Variants in ITGA9 observed in about 807,000 individuals in gnomAD.
ITGA9 encodes the protein integrin subunit alpha 9.
In ITGA9, 56 loss-of-function variants were observed where a neutral mutation model predicts 127.8. The observed-to-expected ratio is 0.44, with a 90% confidence interval of 0.35 to 0.55. ITGA9 has a LOEUF of 0.55. Ranked by LOEUF, ITGA9 falls within the 20% of genes least tolerant of loss-of-function variation. ITGA9 has a pLI of 0.00. For synonymous variants in ITGA9, 508 were observed against 514.5 expected (o/e 0.99, Z 0.17); for missense variants, 1,196 against 1,347.1 (o/e 0.89, Z 1.76).
At position 37,481,582 on chromosome 3, in the gene ITGA9, CAGGA is replaced by C; in HGVS notation, c.520_523del (p.Thr175Ter). ...TCCCCTCCAACCTCCAGGCCAAAGG[CAGGA>C]CGCTGATCCCTTGCTATGAAGGTGA... On this transcript the variant is annotated frameshift_variant, in exon 4 of 28. Coordinates refer to ENST00000264741, the MANE Select transcript of ITGA9 (RefSeq NM_002207.3). LOFTEE classifies it high-confidence loss of function. 1 of 1,614,208 alleles carries C rather than the reference CAGGA, an allele frequency of 6.2e-7. No individual in the cohort carries two copies. Among genetic ancestry groups the C allele is most frequent in the Non-Finnish European group, 8.5e-7 (1 of 1,180,030 alleles).
intron 15 of ITGA9, among the ~76,000 whole-genome samples, chr3:37,566,136 G>T (rs1575152145): frequency 2.6e-5 from 4 of 152,172 alleles, no homozygotes; most frequent in Non-Finnish European, 5.9e-5. Flanking sequence ...CTCATAAAAA[G>T]TCAAAATAGT....
chr3:37,521,540 A>G (rs1699044146), intron 11 of ITGA9, among the ~76,000 whole-genome samples: 1 of 152,132 alleles, frequency 6.6e-6, no homozygotes, highest in African/African-American at 2.4e-5. Context: ...GGTCAAGTGG[A>G]GGTTTCCAGG....
At chr3:37,709,899 C>G (rs1386299704) in intron 18 of ITGA9, among the ~76,000 whole-genome samples, 1 of 152,194 alleles carries the variant, frequency 6.6e-6, no homozygotes, top group Non-Finnish European at 1.5e-5. Flanking sequence ...CGCTTGAACC[C>G]AAGAGGCGGA....
intron 5 of ITGA9, among the ~76,000 whole-genome samples, chr3:37,501,510 T>C (rs1456613146): frequency 6.6e-6 from 1 of 152,216 alleles, no homozygotes; most frequent in Non-Finnish European, 1.5e-5. Context: ...GTGTATACCA[T>C]GTCGTCTCTG....
intron 18 of ITGA9, among the ~76,000 whole-genome samples, chr3:37,719,685 T>C (rs571560658): frequency 6.6e-6 from 1 of 152,094 alleles, no homozygotes; most frequent in South Asian, 2.1e-4. Context: ...ATAGTTAACG[T>C]CCCCAGTACA....
At chr3:37,779,041 G>C (rs1053346096) in intron 24 of ITGA9, among the ~76,000 whole-genome samples, 3 of 152,042 alleles carry the variant, frequency 2.0e-5, no homozygotes, top group African/African-American at 7.2e-5. Context: ...ACGCATTTTG[G>C]AACCTATCAT....
chr3:37,615,002 G>A (rs1323367717), intron 15 of ITGA9, among the ~76,000 whole-genome samples: 3 of 152,174 alleles, frequency 2.0e-5, no homozygotes, highest in Non-Finnish European at 4.4e-5. Flanking sequence ...CCAACACTAT[G>A]TTGAATAGGA....
intron 16 of ITGA9, among the ~76,000 whole-genome samples, chr3:37,640,459 C>A (rs972373911): frequency 1.3e-5 from 2 of 152,138 alleles, no homozygotes; most frequent in Non-Finnish European, 2.9e-5. Context: ...CACACAGAAC[C>A]AGGTGCTTCC....
At chr3:37,791,555 A>G (rs1433247044) in intron 26 of ITGA9, among the ~76,000 whole-genome samples, 3 of 152,216 alleles carry the variant, frequency 2.0e-5, no homozygotes, top group African/African-American at 7.2e-5. Context: ...GGTGTCCTGG[A>G]CACTGGACAC....
At chr3:37,801,037 C>T (rs578128507) in intron 26 of ITGA9, among the ~76,000 whole-genome samples, 10 of 152,132 alleles carry the variant, frequency 6.6e-5, no homozygotes, top group East Asian at 1.9e-4. Context: ...TGGTGGCATG[C>T]GCCTGTAATC....
chr3:37,590,280 C>A (rs1050815260), intron 15 of ITGA9, among the ~76,000 whole-genome samples: 1 of 152,188 alleles, frequency 6.6e-6, no homozygotes, highest in Non-Finnish European at 1.5e-5. Flanking sequence ...GCCACCCTAG[C>A]CCCCTGTTCT....
intron 18 of ITGA9, among the ~76,000 whole-genome samples, chr3:37,719,813 A>G (rs941098004): frequency 1.3e-5 from 2 of 152,212 alleles, no homozygotes; most frequent in African/African-American, 2.4e-5. Context: ...ATACAAACTA[A>G]TTGCACCCCA....
At chr3:37,721,290 T>A (rs1301920573) in intron 18 of ITGA9, among the ~76,000 whole-genome samples, 1 of 152,020 alleles carries the variant, frequency 6.6e-6, no homozygotes, top group Admixed American at 6.5e-5. Context: ...GGCTAATTTT[T>A]ATTTTTGTTG....
intron 15 of ITGA9, among the ~76,000 whole-genome samples, chr3:37,560,440 G>A (rs1388672962): frequency 1.3e-5 from 2 of 152,198 alleles, no homozygotes; most frequent in Non-Finnish European, 2.9e-5. Context: ...ATAGTAGCAT[G>A]ATTTATAATC....
intron 18 of ITGA9, among the ~76,000 whole-genome samples, chr3:37,732,054 C>T (rs1696298999): frequency 6.6e-6 from 1 of 152,150 alleles, no homozygotes; most frequent in Non-Finnish European, 1.5e-5. Context: ...TTGTGAAGAG[C>T]CTCTTGGCTT....
At chr3:37,779,622 A>G (rs1280810547) in intron 24 of ITGA9, among the ~76,000 whole-genome samples, 1 of 152,172 alleles carries the variant, frequency 6.6e-6, no homozygotes. Flanking sequence ...AAAAAAAACA[A>G]TTATTTCTCT....
Position 37,819,892 on chromosome 3 carries a change from G to T in ITGA9, c.*903G>T, listed in dbSNP as rs1368601634. ...CACACACCACAAGGACTAAATCCTT[G>T]TCCCCTAAGCAAAGAATTGGGTCTG... is the stretch of plus-strand genomic sequence containing the variant. On this transcript the variant is annotated 3_prime_UTR_variant, in exon 28 of 28. Transcript: ENST00000264741. 2 of 152,134 alleles carry T rather than the reference G, an allele frequency of 1.3e-5. No individual in the cohort carries two copies. The highest frequency in any genetic ancestry group is 4.8e-5 in the African/African-American group (2 of 41,434). The allele number at this position is 152,134 out of a possible 1,614,324, so 9.4% of individuals were successfully genotyped here.
chr3:37,585,605 T>G (rs1290117303), intron 15 of ITGA9: 2 of 515,284 alleles, frequency 3.9e-6, no homozygotes, highest in Non-Finnish European at 7.8e-6. Context: ...CCAGATGTGA[T>G]TTATGCCATA....
chr3:37,753,582 C>T (rs1696615492), intron 23 of ITGA9: 1 of 152,202 alleles, frequency 6.6e-6, no homozygotes, highest in Non-Finnish European at 1.5e-5. Context: ...TTGCCTAGCT[C>T]TTATACAAAT....
Sources: gnomAD v4.1 joint callset for allele counts (sites outside exome capture counted in the v4.1 genomes callset) on GRCh38, gnomAD v4.1.1 for gene constraint, MANE v1.5 for transcripts, NCBI Gene and HGNC (gene_info 2026-07-23, HGNC 2026-07-21) for gene names.